The following LITAF variants were observed in gnomAD, a reference collection of about 807,000 sequenced individuals.
LITAF encodes lipopolysaccharide-induced tumor necrosis factor-alpha factor.
Under a neutral mutation model 14.5 loss-of-function variants are expected in LITAF, and 9 were observed. The observed-to-expected ratio is 0.62, with a 90% CI of 0.37 to 1.08. The LOEUF (loss-of-function observed/expected upper bound fraction) is 1.08, where lower values mean the gene tolerates loss of function less well. Ranked by LOEUF, LITAF falls within the 50% of genes least tolerant of loss-of-function variation. The pLI, the probability that LITAF is intolerant of heterozygous loss-of-function variation, is 0.01. For missense variants in LITAF, 206 were observed against 213.4 expected (o/e 0.97, Z 0.22); for synonymous variants, 98 against 88.2 (o/e 1.11, Z -0.62).
In LITAF at chr16:11,548,660, G is replaced by A; in HGVS notation, c.*977C>T. 1 of 453,366 alleles carries A rather than the reference G, an allele frequency of 2.2e-6. No homozygotes were observed. The highest frequency in any genetic ancestry group is 4.4e-6 in the Non-Finnish European group (1 of 226,670). The allele number at this position is 453,366 out of a possible 1,614,324, so 28.1% of individuals were successfully genotyped here. ...CACCAATCATTTGATTACAGAAAAT[G>A]GTTTTATAAATCCTCCTCTTGAAAT... On this transcript the variant is annotated 3_prime_UTR_variant, in exon 4 of 4. Transcript: ENST00000622633.
At chr16:11,588,355 T>G (rs375358418), upstream of LITAF, among the ~76,000 whole-genome samples, 51 of 151,858 alleles carry the variant, frequency 3.4e-4, no homozygotes, top group East Asian at 4.6e-3. Flanking sequence ...ATTAAAAGAA[T>G]AATAATAAAG....
chr16:11,573,701 CT>C (rs58695999), intron 1 of LITAF, among the ~76,000 whole-genome samples: 19,728 of 111,468 alleles, frequency 0.18, 1,405 homozygotes, highest in African/African-American at 0.23. Context: ...AGAAGATATC[CT>C]TTTTTTTTTT....
At chr16:11,628,924 C>A (rs1483256044) in intron 3 of LITAF, among the ~76,000 whole-genome samples, 1 of 152,250 alleles carries the variant, frequency 6.6e-6, no homozygotes, top group Non-Finnish European at 1.5e-5. Context: ...GATCTGCCCG[C>A]CTTGGCCTCC....
chr16:11,583,516 C>T (rs1230573614), intron 1 of LITAF, among the ~76,000 whole-genome samples: 1 of 152,196 alleles, frequency 6.6e-6, no homozygotes, highest in Non-Finnish European at 1.5e-5. Context: ...AGAAAACAGG[C>T]ACAAAGACAA....
chr16:11,594,739 G>T (rs1597364827), intron 1 of LITAF, among the ~76,000 whole-genome samples: 1 of 152,020 alleles, frequency 6.6e-6, no homozygotes, highest in East Asian at 1.9e-4. Flanking sequence ...AGCCGGGCAT[G>T]GTGGCTCGTG....
intron 1 of LITAF, chr16:11,575,692 A>G (rs1233358944): frequency 6.6e-6 from 1 of 152,276 alleles, no homozygotes; most frequent in Non-Finnish European, 1.5e-5. Context: ...GTCAGCGTAA[A>G]CACACATCAA....
At chr16:11,563,529 T>C (rs1487958448) in intron 1 of LITAF, among the ~76,000 whole-genome samples, 1 of 152,096 alleles carries the variant, frequency 6.6e-6, no homozygotes, top group East Asian at 1.9e-4. Context: ...TCTGGAGGGA[T>C]CACCTCTCTT....
intron 3 of LITAF, among the ~76,000 whole-genome samples, chr16:11,630,555 C>A (rs2065111993): frequency 6.6e-6 from 1 of 150,502 alleles, no homozygotes; most frequent in Non-Finnish European, 1.5e-5. Context: ...CCTTCCCCTA[C>A]CTGCCCCTGG....
Position 11,553,716 on chromosome 16 carries a change from A to C in LITAF, c.221-27T>G. 6.2e-7 allele frequency: 1 copy of C among 1,613,606 alleles called. No individual in the cohort carries two copies. The highest frequency in any genetic ancestry group is 8.5e-7 in the Non-Finnish European group (1 of 1,179,752). On this transcript the variant is annotated intron_variant, in intron 2 of 3. Transcript: ENST00000622633. This position sits in a 1 kb window ranked among gnomAD's most constrained non-coding sequence, Gnocchi z 7.7. ...TGATGAAAGGGAGAGGGACAAACAC[A>C]GGTTGCTCAGGAAACAAGGCCAATA... is the stretch of plus-strand genomic sequence containing the variant.
chr16:11,585,628 C>A (rs980275642), intron 1 of LITAF, among the ~76,000 whole-genome samples: 11 of 152,082 alleles, frequency 7.2e-5, no homozygotes, highest in African/African-American at 2.7e-4. Flanking sequence ...ATAGGAAGTC[C>A]TAAAAAGAGT....
At chr16:11,574,623 G>C (rs1431426936) in intron 1 of LITAF, among the ~76,000 whole-genome samples, 4 of 152,050 alleles carry the variant, frequency 2.6e-5, no homozygotes, top group Non-Finnish European at 1.5e-5. Flanking sequence ...TCTGGGTAAA[G>C]GTGATGTCAT....
In LITAF at chr16:11,606,934, C is replaced by T. The variant is rs375556083; in HGVS notation, c.85+26599G>A. On this transcript the variant is annotated intron_variant, in intron 3 of 3. Transcript: ENST00000574848. ...GATTACAAGCGTGAGCCACTGCGCC[C>T]GGCCTACTTCACTGTATCCTTCCAA... Among the ~76,000 whole-genome samples, 133 of 152,290 alleles carry T rather than the reference C, an allele frequency of 8.7e-4. 1 individual carries two copies. The highest frequency in any genetic ancestry group is 3.0e-3 in the African/African-American group (126 of 41,554).
At chr16:11,608,729 G>A (rs964386432) in intron 3 of LITAF, among the ~76,000 whole-genome samples, 6 of 152,176 alleles carry the variant, frequency 3.9e-5, no homozygotes, top group African/African-American at 1.2e-4. Context: ...TTGGGAGGCC[G>A]AGGCAGGTGG....
intron 1 of LITAF, among the ~76,000 whole-genome samples, chr16:11,580,609 A>C (rs1458513198): frequency 6.6e-6 from 1 of 152,060 alleles, no homozygotes; most frequent in Non-Finnish European, 1.5e-5. Context: ...GTCACAAGCC[A>C]TCACCTGCTC....
At position 11,549,051 on chromosome 16, in the gene LITAF, A is replaced by AT. The variant is rs953556069; in HGVS notation, c.*585dup. 10 of 430,754 alleles carry AT rather than the reference A, an allele frequency of 2.3e-5. No individual in the cohort carries two copies. Among genetic ancestry groups the AT allele is most frequent in the Non-Finnish European group, 4.1e-5 (9 of 218,592 alleles). The allele number at this position is 430,754 out of a possible 1,614,324, so 26.7% of individuals were successfully genotyped here. A position where few individuals can be genotyped will look rare whatever the true frequency, so the allele number is the denominator to read the frequency against. Reference sequence around the variant, plus strand: ...TGGGTGTTAATAGCCCCCTCCTTGTATTTAAAAAAAAAATTAAGAAATTAA... The same window carrying AT: ...TGGGTGTTAATAGCCCCCTCCTTGTATTTTAAAAAAAAAATTAAGAAATTAA... On this transcript the variant is annotated 3_prime_UTR_variant, in exon 4 of 4. Transcript: ENST00000622633. The surrounding 1 kb of genome is among the most constrained non-coding windows in gnomAD (Gnocchi z 4.6).
chr16:11,587,703 C>T (rs1302288913), upstream of LITAF: 1 of 218,578 alleles, frequency 4.6e-6, no homozygotes, highest in Non-Finnish European at 9.5e-6. Context: ...CACATCCGCC[C>T]CTAAATGGGT....
At position 11,560,053 on chromosome 16, in the gene LITAF, T is replaced by C. The variant is rs530797336; in HGVS notation, c.-5-3318A>G. Among the ~76,000 whole-genome samples the C allele has an allele frequency of 3.9e-5, 6 of 152,174 alleles. No individual in the cohort carries two copies. In the East Asian group the frequency reaches 5.8e-4, roughly 15 times the overall value. ...GGCTCACGACTATAATCCCAGTACT[T>C]TGGGAGGCCAAGGCAGACGGATCGC... On this transcript the variant is annotated intron_variant, in intron 1 of 3. Coordinates refer to ENST00000622633, the MANE Select transcript of LITAF (RefSeq NM_001136472.2).
rs938511868 is a variant in LITAF, at chr16:11,566,489, C to T, written c.-5-9754G>A. ...CATGAAGATTTGGGAGCAGGCCAGA[C>T]GTGGTGGCTCATGCCTGAAATCCCA... is the stretch of plus-strand genomic sequence containing the variant. On this transcript the variant is annotated intron_variant, in intron 1 of 3. Coordinates refer to ENST00000622633, the MANE Select transcript of LITAF (RefSeq NM_001136472.2). Among the ~76,000 whole-genome samples, 13 of 152,198 alleles carry T rather than the reference C, an allele frequency of 8.5e-5. No individual in the cohort carries two copies. In the East Asian group the frequency reaches 1.9e-3, roughly 23 times the overall value.
At chr16:11,557,127 T>C in intron 1 of LITAF, among the ~76,000 whole-genome samples, 1 of 152,122 alleles carries the variant, frequency 6.6e-6, no homozygotes, top group East Asian at 1.9e-4. Flanking sequence ...TTTCACTAAC[T>C]GTTTCAGGTA....
Sources: allele counts gnomAD v4.1 joint callset (sites outside exome capture counted in the v4.1 genomes callset), GRCh38; gene constraint gnomAD v4.1.1; non-coding constraint Gnocchi (gnomAD v3.1); transcripts MANE v1.5; gene names NCBI Gene and HGNC (gene_info 2026-07-23, HGNC 2026-07-21).